Variants in GRID2 observed in about 807,000 individuals in gnomAD.
The protein encoded by GRID2 is glutamate ionotropic receptor delta type subunit 2.
In GRID2, 33 loss-of-function variants were observed where a neutral mutation model predicts 114.8. The ratio of observed to expected loss-of-function variants is 0.29; its 90% CI spans 0.22 to 0.38. The LOEUF is 0.38. Among genes scored for constraint, GRID2 ranks in the 10% least tolerant of loss-of-function variants. The pLI is 1.00. For missense variants in GRID2, 1,184 were observed against 1,257.7 expected (o/e 0.94, Z 0.89); for synonymous variants, 505 against 449.9 (o/e 1.12, Z -1.55).
At chr4:92,359,958 G>A (rs978010318) in intron 1 of GRID2, among the ~76,000 whole-genome samples, 1 of 152,036 alleles carries the variant, frequency 6.6e-6, no homozygotes, top group Middle Eastern at 3.4e-3. Flanking sequence ...ATCCCTTACT[G>A]AGCAGAGAAT....
chr4:93,726,884 G>A (rs1729955723), intron 14 of GRID2, among the ~76,000 whole-genome samples: 1 of 152,098 alleles, frequency 6.6e-6, no homozygotes, highest in African/African-American at 2.4e-5. Context: ...GGAGATTTTG[G>A]GCTGAGACGA....
chr4:92,953,923 G>T (rs999154266), intron 2 of GRID2, among the ~76,000 whole-genome samples: 3 of 151,742 alleles, frequency 2.0e-5, no homozygotes, highest in African/African-American at 7.3e-5. Flanking sequence ...TATCATATTG[G>T]AATAATTATT....
At chr4:92,849,531 A>G (rs1053858314) in intron 2 of GRID2, among the ~76,000 whole-genome samples, 3 of 152,006 alleles carry the variant, frequency 2.0e-5, no homozygotes, top group African/African-American at 4.8e-5. Context: ...AGTAATTTTA[A>G]TAATTTAAAC....
chr4:92,941,177 G>A (rs776659443), intron 2 of GRID2, among the ~76,000 whole-genome samples: 5 of 152,092 alleles, frequency 3.3e-5, no homozygotes, highest in South Asian at 2.1e-4. Context: ...GGTAGAATTC[G>A]GCTGTGAATC....
intron 1 of GRID2, among the ~76,000 whole-genome samples, chr4:92,356,738 T>A (rs759089479): frequency 1.3e-5 from 2 of 151,818 alleles, no homozygotes; most frequent in African/African-American, 2.4e-5. Context: ...GCTTTTCATA[T>A]TTCAGTGACA....
intron 1 of GRID2, among the ~76,000 whole-genome samples, chr4:92,401,915 AC>A (rs1730806104): frequency 6.6e-6 from 1 of 152,094 alleles, no homozygotes; most frequent in Non-Finnish European, 1.5e-5. Context: ...AAAGCATTTT[AC>A]CCACAGTAGA....
intron 8 of GRID2, among the ~76,000 whole-genome samples, chr4:93,324,921 C>T (rs1158114628): frequency 6.6e-6 from 1 of 151,946 alleles, no homozygotes; most frequent in African/African-American, 2.4e-5. Context: ...TTTGATTCTT[C>T]TCTCTTTTCT....
intron 2 of GRID2, among the ~76,000 whole-genome samples, chr4:92,795,214 C>G (rs1739805114): frequency 6.6e-6 from 1 of 151,742 alleles, no homozygotes; most frequent in East Asian, 2.0e-4. Flanking sequence ...CGAATTATAT[C>G]TCCCAGAATT....
intron 13 of GRID2, among the ~76,000 whole-genome samples, chr4:93,585,399 AT>A (rs1371699101): frequency 1.3e-5 from 2 of 152,108 alleles, no homozygotes; most frequent in Non-Finnish European, 2.9e-5. Flanking sequence ...GTCAATTAAG[AT>A]GTCTATGGTG....
intron 13 of GRID2, among the ~76,000 whole-genome samples, chr4:93,561,193 G>T (rs1734892413): frequency 6.6e-6 from 1 of 152,106 alleles, no homozygotes. Flanking sequence ...AGTATAATGA[G>T]TGCATGCTAG....
At chr4:93,217,941 T>C (rs1744428341) in intron 6 of GRID2, among the ~76,000 whole-genome samples, 1 of 151,996 alleles carries the variant, frequency 6.6e-6, no homozygotes. Flanking sequence ...ACTTAGAGAT[T>C]TTCAGTTTTA....
intron 2 of GRID2, among the ~76,000 whole-genome samples, chr4:92,616,947 C>T (rs992163376): frequency 9.3e-5 from 14 of 151,172 alleles, no homozygotes; most frequent in African/African-American, 3.4e-4. Context: ...TTATGGGGTA[C>T]CTAGTAGTGT....
chr4:93,661,189 C>T (rs140766783), intron 14 of GRID2, among the ~76,000 whole-genome samples: 1 of 152,254 alleles, frequency 6.6e-6, no homozygotes, highest in East Asian at 1.9e-4. Context: ...TAATTTGTAA[C>T]CTCCAAATCA....
At chr4:92,594,567 T>A (rs1728858608) in intron 2 of GRID2, among the ~76,000 whole-genome samples, 1 of 151,944 alleles carries the variant, frequency 6.6e-6, no homozygotes, top group African/African-American at 2.4e-5. Flanking sequence ...TGTGTCTGAC[T>A]TTAAAATAGA....
chr4:93,499,923 T>C (rs1175602566), intron 12 of GRID2, among the ~76,000 whole-genome samples: 2 of 152,008 alleles, frequency 1.3e-5, no homozygotes, highest in Non-Finnish European at 2.9e-5. Context: ...TCTAGCACTA[T>C]AACTTTTTAC....
intron 11 of GRID2, among the ~76,000 whole-genome samples, chr4:93,480,920 G>A (rs886936510): frequency 2.7e-5 from 3 of 109,886 alleles, no homozygotes; most frequent in Non-Finnish European, 7.1e-5. Flanking sequence ...CAGTAGGCCA[G>A]GGAGGTTGTA....
At chr4:92,380,669 T>A (rs2110236300) in intron 1 of GRID2, among the ~76,000 whole-genome samples, 1 of 152,142 alleles carries the variant, frequency 6.6e-6, no homozygotes, top group African/African-American at 2.4e-5. Context: ...GTTTTTGTTT[T>A]GTTTTTCAGA....
At chr4:93,503,536 T>C (rs1728337827) in intron 12 of GRID2, among the ~76,000 whole-genome samples, 1 of 144,528 alleles carries the variant, frequency 6.9e-6, no homozygotes, top group African/African-American at 2.5e-5. Flanking sequence ...CCATGTGTTC[T>C]CATTGTTCAA....
At chr4:92,836,387 A>G (rs1742462494) in intron 2 of GRID2, among the ~76,000 whole-genome samples, 1 of 152,178 alleles carries the variant, frequency 6.6e-6, no homozygotes, top group African/African-American at 2.4e-5. Context: ...TGAGAATGAA[A>G]AAGGCAAATA....
Sources: gnomAD v4.1 joint callset for allele counts (sites outside exome capture counted in the v4.1 genomes callset) on GRCh38, gnomAD v4.1.1 for gene constraint, MANE v1.5 for transcripts, NCBI Gene and HGNC (gene_info 2026-07-23, HGNC 2026-07-21) for gene names.